ZNF236: variants seen among roughly 807,000 people sequenced by gnomAD.
ZNF236 encodes zinc finger protein 236, also known as regulated by glucose.
ZNF236 carries 50 observed loss-of-function variants against 191.2 expected under a neutral mutation model. The ratio of observed to expected loss-of-function variants is 0.26; its 90% CI spans 0.21 to 0.33. The LOEUF (loss-of-function observed/expected upper bound fraction) is 0.33, where lower values mean the gene tolerates loss of function less well. Among genes scored for constraint, ZNF236 ranks in the 10% least tolerant of loss-of-function variants. The probability of loss-of-function intolerance (pLI) is 1.00; values close to 1 mark genes in which losing one functional copy is unlikely to be tolerated. For missense variants in ZNF236, 1,754 were observed against 2,374.5 expected (o/e 0.74, Z 5.43); for synonymous variants, 907 against 928.8 (o/e 0.98, Z 0.43).
intron 10 of ZNF236, among the ~76,000 whole-genome samples, chr18:76,897,236 C>T (rs1035766538): frequency 5.3e-5 from 8 of 150,772 alleles, no homozygotes; most frequent in Admixed American, 4.6e-4. Context: ...AGGTACCAAA[C>T]AGTACTGCCC....
In ZNF236 at chr18:76,880,999, GT is replaced by G. The variant is rs1976877013; in HGVS notation, c.1189-283del. ...CCAAGACTATTTAGAGACAACCAAA[GT>G]TGTGTGAGGTAAGATTTCTGAAAGT... On this transcript the variant is annotated intron_variant, in intron 8 of 30. Coordinates refer to ENST00000320610, the MANE Select transcript of ZNF236 (RefSeq NM_001306089.2). The surrounding 1 kb of genome is among the most constrained non-coding windows in gnomAD (Gnocchi z 5.0). Among the ~76,000 whole-genome samples the G allele has an allele frequency of 6.6e-6, 1 of 152,154 alleles. No homozygotes were observed. Among genetic ancestry groups the G allele is most frequent in the Non-Finnish European group, 1.5e-5 (1 of 68,034 alleles).
In ZNF236 at chr18:76,879,140, G is replaced by A. The variant is rs180834830; in HGVS notation, c.985-973G>A. ...GTATTAGTTTTCATCATTTCCTTTGGCAATATGCAAATCAAAACATAGATG... is the reference window on the plus strand; with the variant it reads ...GTATTAGTTTTCATCATTTCCTTTGACAATATGCAAATCAAAACATAGATG... On this transcript the variant is annotated intron_variant, in intron 7 of 30. Coordinates refer to ENST00000320610, the MANE Select transcript of ZNF236 (RefSeq NM_001306089.2). Among the ~76,000 whole-genome samples the A allele has an allele frequency of 3.3e-5, 5 of 151,920 alleles. 1 individual carries two copies. The highest frequency in any genetic ancestry group is 2.6e-4 in the Admixed American group (4 of 15,252).
rs1256237459 is a variant in ZNF236 at position 76,947,573 on chromosome 18, G to C, written c.4835G>C (p.Gly1612Ala). 3 of 1,613,982 alleles carry C rather than the reference G, an allele frequency of 1.9e-6. No homozygotes were observed. The highest frequency in any genetic ancestry group is 2.5e-6 in the Non-Finnish European group (3 of 1,180,008). The change falls in exon 27 of 31, where the codon GGA becomes GCA. Residue 1612 changes from glycine (G) to alanine (A), a missense_variant. Transcript: ENST00000320610. Reference protein sequence around the residue: ...LTDPSLSGQGGAGSPQVILVS... With the variant: ...LTDPSLSGQGAAGSPQVILVS... ...GATCCCTCTCTCTCGGGCCAGGGTG[G>C]AGCAGGCTCGCCGCAAGTCATACTA...
Position 76,970,076 on chromosome 18 carries a change from T to C in ZNF236, c.*1737T>C, listed in dbSNP as rs367547575. On this transcript the variant is annotated 3_prime_UTR_variant, in exon 31 of 31. Transcript: ENST00000320610. ...ATATGCAGAATAACTGTAATTGTGC[T>C]AGAGTTTTAAAGGTTCTGCTTTTAA... 4.6e-5 allele frequency: 7 copies of C among 152,800 alleles called. No homozygotes were observed. In the East Asian group the frequency reaches 1.2e-3, roughly 25 times the overall value. The allele number at this position is 152,800 out of a possible 1,614,324, so 9.5% of individuals were successfully genotyped here.
At chr18:76,879,089 T>C (rs1252116393) in intron 7 of ZNF236, among the ~76,000 whole-genome samples, 17 of 152,238 alleles carry the variant, frequency 1.1e-4, no homozygotes. Context: ...TTAAATACAA[T>C]TTTTAACGTT....
At position 76,915,783 on chromosome 18, in the gene ZNF236, G is replaced by A; in HGVS notation, c.3198G>A (p.Val1066=). ...GTGAGGAGGGTTTCCGAACTACAGTGCATTGTAAAAAGCACATGAAGAGAC... is the reference window on the plus strand; with the variant it reads ...GTGAGGAGGGTTTCCGAACTACAGTACATTGTAAAAAGCACATGAAGAGAC... ...PFCEEGFRTT[V]HCKKHMKRHQ... is the part of the protein sequence containing the mutation. Residue 1066 remains valine, a synonymous_variant, in exon 19 of 31, where the codon GTG becomes GTA. Coordinates refer to ENST00000320610, the MANE Select transcript of ZNF236 (RefSeq NM_001306089.2). 3 of 1,614,174 alleles carry A rather than the reference G, an allele frequency of 1.9e-6. No individual in the cohort carries two copies. The highest frequency in any genetic ancestry group is 2.7e-5 in the African/African-American group (2 of 75,038).
intron 30 of ZNF236, among the ~76,000 whole-genome samples, chr18:76,962,072 A>G (rs1214780484): frequency 6.6e-6 from 1 of 152,144 alleles, no homozygotes; most frequent in Non-Finnish European, 1.5e-5. Flanking sequence ...CTTTAGTGTA[A>G]TGAAGTCCCA....
chr18:76,879,926 T>C (rs533715312), intron 7 of ZNF236, among the ~76,000 whole-genome samples, 187 bp from the exon 8 acceptor site: 16 of 152,204 alleles, frequency 1.1e-4, no homozygotes, highest in Middle Eastern at 3.4e-3. Context: ...ATGTATTGAG[T>C]ATATTAAGAG....
intron 10 of ZNF236, chr18:76,898,309 A>G (rs1568218846): frequency 6.6e-6 from 1 of 152,332 alleles, no homozygotes; most frequent in Non-Finnish European, 1.5e-5. Context: ...ATTTTGGAAC[A>G]TTTTTATCAC....
intron 26 of ZNF236, among the ~76,000 whole-genome samples, chr18:76,940,896 C>G (rs9957342): frequency 0.031 from 4,743 of 152,266 alleles, 242 homozygotes; most frequent in African/African-American, 0.11. Flanking sequence ...TGAGCTCCAC[C>G]TCCTGTCAGA....
intron 9 of ZNF236, chr18:76,888,720 A>G (rs1194200825): frequency 6.8e-6 from 1 of 147,178 alleles, no homozygotes; most frequent in Non-Finnish European, 1.5e-5. Context: ...AGAGCAGGCT[A>G]TCCATCCCAG....
At chr18:76,854,847 CCTT>C (rs1975998272) in intron 3 of ZNF236, among the ~76,000 whole-genome samples, 1 of 152,130 alleles carries the variant, frequency 6.6e-6, no homozygotes, top group African/African-American at 2.4e-5. Context: ...CAATTTAACA[CCTT>C]CTCTTGCAGA....
intron 1 of ZNF236, among the ~76,000 whole-genome samples, chr18:76,822,971 C>G (rs1447719303): frequency 2.7e-5 from 4 of 148,738 alleles, no homozygotes; most frequent in Non-Finnish European, 4.5e-5. Flanking sequence ...CCTGCCCCCG[C>G]TGGCCCTGCC....
rs575261839 is a variant in ZNF236, at chr18:76,918,388, G to T, written c.3275-1388G>T. Among the ~76,000 whole-genome samples the T allele has an allele frequency of 6.6e-5, 10 of 152,244 alleles. 1 individual carries two copies. The East Asian group carries it at 1.9e-3, about 29-fold the overall frequency. On this transcript the variant is annotated intron_variant, in intron 19 of 30. Transcript: ENST00000320610. ...ACTTGTATACTTTAAGCCATCTCTA[G>T]ATCACTTATAATACCTAATATAAAT...
intron 9 of ZNF236, chr18:76,886,875 C>G (rs1056577407): frequency 5.4e-6 from 1 of 185,410 alleles, no homozygotes; most frequent in Non-Finnish European, 1.2e-5. Context: ...AGGAGCTAGT[C>G]ACCGCAGCGT....
intron 2 of ZNF236, among the ~76,000 whole-genome samples, chr18:76,850,516 G>A (rs975191962): frequency 6.6e-6 from 1 of 152,078 alleles, no homozygotes; most frequent in African/African-American, 2.4e-5. Flanking sequence ...GTGAATAGCA[G>A]AATACCTTCC....
intron 10 of ZNF236, chr18:76,895,502 C>T (rs1036332085): frequency 1.5e-6 from 1 of 656,928 alleles, no homozygotes. Context: ...AGGGACTGCA[C>T]AAAGGTCTCA....
rs1258219011 is a variant in ZNF236 at position 76,937,132 on chromosome 18, C to G, written c.4595-24C>G. On this transcript the variant is annotated intron_variant, in intron 25 of 30. Transcript: ENST00000320610. Reference sequence around the variant, plus strand: ...GGACTTGTCTGGCCTTCCCATTGATCTACTTACTTTGCCTCTTTTGTAGAA... The same window carrying G: ...GGACTTGTCTGGCCTTCCCATTGATGTACTTACTTTGCCTCTTTTGTAGAA... The G allele has an allele frequency of 8.1e-6, 13 of 1,605,892 alleles. No individual in the cohort carries two copies. In the Admixed American group the frequency reaches 8.4e-5, roughly 10 times the overall value.
At chr18:76,902,737 ATTTTTGTAT>A (rs1227010639) in intron 11 of ZNF236, among the ~76,000 whole-genome samples, 1 of 148,684 alleles carries the variant, frequency 6.7e-6, no homozygotes, top group Non-Finnish European at 1.5e-5. Context: ...ATGCCTGGTA[ATTTTTGTAT>A]TTTTTGTATT....
Sources: allele counts gnomAD v4.1 joint callset (sites outside exome capture counted in the v4.1 genomes callset), GRCh38; gene constraint gnomAD v4.1.1; non-coding constraint Gnocchi (gnomAD v3.1); transcripts MANE v1.5; gene names NCBI Gene and HGNC (gene_info 2026-07-23, HGNC 2026-07-21).